CHST15: variants seen among roughly 807,000 people sequenced by gnomAD.
CHST15 encodes the protein carbohydrate sulfotransferase 15, also known as B cell RAG associated protein (GALNAC4S-6ST).
A neutral mutation model predicts 53.6 loss-of-function variants in CHST15; 30 were observed. The ratio of observed to expected loss-of-function variants is 0.56; its 90% CI spans 0.42 to 0.76. The LOEUF is 0.76. CHST15 is among the 30% of genes least tolerant of loss of function. The pLI, the probability that CHST15 is intolerant of heterozygous loss-of-function variation, is 0.00. For missense variants in CHST15, 627 were observed against 740.5 expected (o/e 0.85, Z 1.78); for synonymous variants, 296 against 289.8 (o/e 1.02, Z -0.22).
intron 5 of CHST15, among the ~76,000 whole-genome samples, chr10:124,027,175 G>A (rs1473519544): frequency 6.6e-6 from 1 of 152,178 alleles, no homozygotes; most frequent in Non-Finnish European, 1.5e-5. Flanking sequence ...AAGGCTGTCG[G>A]CGCGGCCCCT....
intron 1 of CHST15, among the ~76,000 whole-genome samples, chr10:124,062,675 A>G (rs1690175418): frequency 6.6e-6 from 1 of 152,122 alleles, no homozygotes; most frequent in African/African-American, 2.4e-5. Context: ...ACAGGATCTC[A>G]GCTCAACAGT....
At chr10:124,023,006 G>T (rs1946846629) in intron 5 of CHST15, among the ~76,000 whole-genome samples, 1 of 151,748 alleles carries the variant, frequency 6.6e-6, no homozygotes, top group Non-Finnish European at 1.5e-5. Flanking sequence ...TTTTCGTAGA[G>T]ATGGGGTTTC....
intron 4 of CHST15, among the ~76,000 whole-genome samples, chr10:124,040,544 C>G (rs1165268586): frequency 6.6e-6 from 1 of 152,250 alleles, no homozygotes; most frequent in Non-Finnish European, 1.5e-5. Context: ...AAGGTCCTCT[C>G]TGACCTAGGG....
At chr10:124,091,469 G>A (rs770434208) in intron 1 of CHST15, among the ~76,000 whole-genome samples, 1 of 152,146 alleles carries the variant, frequency 6.6e-6, no homozygotes, top group Non-Finnish European at 1.5e-5. Flanking sequence ...GATGCCCTCC[G>A]AGGCCTTTCT....
At position 124,009,714 on chromosome 10, in the gene CHST15, A is replaced by G. The variant is rs1183083151; in HGVS notation, c.*435T>C. 6 of 1,014,148 alleles carry G rather than the reference A, an allele frequency of 5.9e-6. No individual in the cohort carries two copies. The African/African-American group carries it at 7.5e-5, about 13-fold the overall frequency. The allele number at this position is 1,014,148 out of a possible 1,614,324, so 62.8% of individuals were successfully genotyped here. A position where few individuals can be genotyped will look rare whatever the true frequency, so the allele number is the denominator to read the frequency against. ...ACGGCGAGACCCCATCTCTAGGGGG[A>G]AAAAAAGGGAACGTGAAGTGTAAGT... On this transcript the variant is annotated 3_prime_UTR_variant, in exon 8 of 8. Coordinates refer to ENST00000435907, the MANE Select transcript of CHST15 (RefSeq NM_001270764.2).
intron 4 of CHST15, among the ~76,000 whole-genome samples, chr10:124,040,827 A>G (rs1947704239): frequency 6.6e-6 from 1 of 152,274 alleles, no homozygotes; most frequent in Non-Finnish European, 1.5e-5. Flanking sequence ...AGTAAATATC[A>G]GCACAGTGAT....
chr10:124,018,151 T>C (rs1047819269), intron 6 of CHST15, among the ~76,000 whole-genome samples: 17 of 152,244 alleles, frequency 1.1e-4, no homozygotes, highest in African/African-American at 3.6e-4. Flanking sequence ...GGATTTTCCT[T>C]GGACTTTTCC....
chr10:124,023,273 C>T (rs1257675243), intron 5 of CHST15, among the ~76,000 whole-genome samples: 1 of 151,900 alleles, frequency 6.6e-6, no homozygotes, highest in Non-Finnish European at 1.5e-5. Flanking sequence ...TCACTTGAAC[C>T]TAGGAGTTCA....
At chr10:124,032,042 C>A (rs1008744498) in intron 5 of CHST15, among the ~76,000 whole-genome samples, 2 of 152,216 alleles carry the variant, frequency 1.3e-5, no homozygotes, top group Non-Finnish European at 2.9e-5. Context: ...CCCTGCTATT[C>A]CTCTGTGTCC....
At chr10:124,012,655 G>A (rs1946453465) in intron 6 of CHST15, among the ~76,000 whole-genome samples, 175 bp from the exon 7 acceptor site, 2 of 152,202 alleles carry the variant, frequency 1.3e-5, no homozygotes, top group Admixed American at 1.3e-4. Context: ...GGGGTTTTGT[G>A]CTACATGTGC....
At chr10:124,017,544 A>G (rs528936717) in intron 6 of CHST15, among the ~76,000 whole-genome samples, 2 of 152,316 alleles carry the variant, frequency 1.3e-5, no homozygotes, top group African/African-American at 2.4e-5. Flanking sequence ...CACAGGCCTC[A>G]TTCCAAGCAC....
At chr10:124,087,313 T>C (rs1042756911) in intron 1 of CHST15, among the ~76,000 whole-genome samples, 1 of 152,136 alleles carries the variant, frequency 6.6e-6, no homozygotes, top group Admixed American at 6.5e-5. Flanking sequence ...TCGCCACTTC[T>C]CCTTGTATGC....
Position 124,045,832 on chromosome 10 carries a change from G to C in CHST15, c.381C>G (p.Asn127Lys). 6.2e-7 allele frequency: 1 copy of C among 1,613,918 alleles called. No individual in the cohort carries two copies. ...GGTGATGCTCCTTTGTGTCACTTGG[G>C]TTTTCGCTGTCCATCAAGCTGGGGT... is the stretch of plus-strand genomic sequence containing the variant. ...PSNPSLMDSE[N>K]PSDTKEHHHQ... is the part of the protein sequence containing the mutation. The change falls in exon 2 of 8, where the codon AAC (asparagine) becomes AAG (lysine). Residue 127 changes from asparagine (N) to lysine (K), a missense_variant. Around this residue, in one of 3 missense-constraint regions of CHST15, gnomAD observed 187 missense variants for 251.8 expected, o/e 0.74. Transcript: ENST00000435907.
chr10:124,083,327 C>T (rs1399762102), intron 1 of CHST15, among the ~76,000 whole-genome samples: 9 of 152,278 alleles, frequency 5.9e-5, no homozygotes, highest in East Asian at 1.9e-4. Context: ...ATTTTTCTAT[C>T]GACTTATTTC....
At chr10:124,020,805 G>C (rs902191356) in intron 6 of CHST15, 1 of 1,154,608 alleles carries the variant, frequency 8.7e-7, no homozygotes, top group African/African-American at 1.6e-5. Context: ...TACGATTGAG[G>C]AATCAACAGA....
chr10:124,057,600 G>C (rs1948426781), intron 1 of CHST15, among the ~76,000 whole-genome samples: 1 of 152,100 alleles, frequency 6.6e-6, no homozygotes, highest in Non-Finnish European at 1.5e-5. Flanking sequence ...AGAGGCTCCA[G>C]AAAAATGCCC....
rs776367192 is a variant in CHST15 at position 124,044,635 on chromosome 10, A to T, written c.831T>A (p.Pro277=). 1.3e-6 allele frequency: 2 copies of T among 1,596,746 alleles called. No individual in the cohort carries two copies. Among genetic ancestry groups the T allele is most frequent in the Non-Finnish European group, 1.7e-6 (2 of 1,170,188 alleles). Residue 277 remains proline (P), a synonymous_variant, in exon 3 of 8, where the codon CCT becomes CCA. Transcript: ENST00000435907. ...CCTTGATGGCGGAGAACTTGACCTC[A>T]GGGTGCAGCCGCAGGCGGTCATAGA... ...TDLYDRLRLH[P]EVKFSAIKEP... is the part of the protein sequence containing the mutation.
chr10:124,035,435 T>TACCCCCTAACAGGGACCCTGGTTCC (rs1400237687), intron 5 of CHST15, among the ~76,000 whole-genome samples: 1 of 82,766 alleles, frequency 1.2e-5, no homozygotes, highest in Non-Finnish European at 2.4e-5. Flanking sequence ...ACCCTGGCTC[T>TACCCCCTAACAGGGACCCTGGTTCC]ACCCCCTAAC....
rs28707473 is a variant in CHST15 at position 124,042,998 on chromosome 10, A to T, written c.887-551T>A. ...TACCCTGCCCTTTGTCCAAACAGTA[A>T]GGGGAACTGATCATACTCTAGACAG... is the stretch of plus-strand genomic sequence containing the variant. On this transcript the variant is annotated intron_variant, in intron 3 of 7. Transcript: ENST00000435907. Among the ~76,000 whole-genome samples the T allele has an allele frequency of 4.6e-5, 7 of 152,208 alleles. No homozygotes were observed. In the South Asian group the frequency reaches 1.5e-3, roughly 32 times the overall value.
Sources: gnomAD v4.1 joint callset for allele counts (sites outside exome capture counted in the v4.1 genomes callset) on GRCh38, gnomAD v4.1.1 for gene constraint, gnomAD v4.1.1 regional missense constraint, MANE v1.5 for transcripts, NCBI Gene and HGNC (gene_info 2026-07-23, HGNC 2026-07-21) for gene names.